The following PLEKHG1 variants were observed in gnomAD, a reference collection of about 807,000 sequenced individuals.
PLEKHG1 encodes the protein pleckstrin homology and RhoGEF domain containing G1.
PLEKHG1 carries 44 observed loss-of-function variants against 100.8 expected under a neutral mutation model. That is an observed-to-expected ratio of 0.44 (90% CI 0.34 to 0.56). PLEKHG1 has a LOEUF of 0.56. PLEKHG1 is among the 20% of genes least tolerant of loss of function. PLEKHG1 has a pLI of 0.01. For synonymous variants in PLEKHG1, 640 were observed against 662.5 expected (o/e 0.97, Z 0.52); for missense variants, 1,545 against 1,720.9 (o/e 0.90, Z 1.81).
chr6:150,687,800 T>C (rs1345033953), intron 3 of PLEKHG1, among the ~76,000 whole-genome samples: 1 of 152,248 alleles, frequency 6.6e-6, no homozygotes, highest in Non-Finnish European at 1.5e-5. Flanking sequence ...ACGAGTGTTC[T>C]TGCATTTCAA....
In PLEKHG1 at chr6:150,728,566, A is replaced by G. The variant is rs552022921; in HGVS notation, c.-98-5018A>G. 1.3e-3 allele frequency among the ~76,000 whole-genome samples: 192 copies of G among 151,752 alleles called. 2 individuals carry two copies. Among genetic ancestry groups the G allele is most frequent in the African/African-American group, 4.4e-3 (183 of 41,364 alleles). On this transcript the variant is annotated intron_variant, in intron 1 of 15. Coordinates refer to ENST00000358517, the Ensembl canonical transcript of PLEKHG1. Reference sequence around the variant, plus strand: ...ACTCCAGCCTGGGTGACAGAGTGAGACCCTGTTTCAAAAAATAAAAATAAG... The same window carrying G: ...ACTCCAGCCTGGGTGACAGAGTGAGGCCCTGTTTCAAAAAATAAAAATAAG...
chr6:150,613,802 C>T (rs951229948), intron 1 of PLEKHG1, among the ~76,000 whole-genome samples: 6 of 152,226 alleles, frequency 3.9e-5, no homozygotes, highest in African/African-American at 1.4e-4. Context: ...CCTCTAGTAT[C>T]CTCCAGCACC....
intron 2 of PLEKHG1, among the ~76,000 whole-genome samples, chr6:150,757,561 ATGTGTGTG>A (rs141610846): frequency 1.1e-4 from 17 of 150,254 alleles, no homozygotes; most frequent in South Asian, 4.2e-4. Context: ...GCACACAAGT[ATGTGTGTG>A]TGTGTGTGTG....
intron 2 of PLEKHG1, among the ~76,000 whole-genome samples, chr6:150,752,938 C>T (rs1182058247): frequency 1.3e-5 from 2 of 151,982 alleles, no homozygotes; most frequent in African/African-American, 2.4e-5. Flanking sequence ...ATGGCGAAAC[C>T]CTGTCTCTAC....
At chr6:150,612,357 GTCTC>G (rs77718182) in intron 1 of PLEKHG1, among the ~76,000 whole-genome samples, 1 of 152,030 alleles carries the variant, frequency 6.6e-6, no homozygotes, top group Admixed American at 6.5e-5. Context: ...TTGAGACAGA[GTCTC>G]TCTCTCTGTT....
Position 150,727,602 on chromosome 6 carries a change from C to T in PLEKHG1, c.-98-5982C>T, listed in dbSNP as rs543207370. Among the ~76,000 whole-genome samples the T allele has an allele frequency of 9.9e-5, 13 of 131,420 alleles. No individual in the cohort carries two copies. In the South Asian group the frequency reaches 2.5e-3, roughly 25 times the overall value. The allele number at this position is 131,420 out of a possible 152,430, so 86.2% of individuals were successfully genotyped here. A position where few individuals can be genotyped will look rare whatever the true frequency, so the allele number is the denominator to read the frequency against. On this transcript the variant is annotated intron_variant, in intron 1 of 15. Transcript: ENST00000358517. Reference sequence around the variant, plus strand: ...CATCTTTTCCTTTTATTAAGGATGGCACAAAAAAAAAAAGAATATTTTATT... The same window carrying T: ...CATCTTTTCCTTTTATTAAGGATGGTACAAAAAAAAAAAGAATATTTTATT...
intron 3 of PLEKHG1, among the ~76,000 whole-genome samples, chr6:150,689,130 A>C (rs1004913112): frequency 7.2e-5 from 11 of 152,198 alleles, no homozygotes; most frequent in Admixed American, 7.2e-4. Flanking sequence ...ATTTTGTATG[A>C]GTGGAATTAT....
At chr6:150,669,196 C>T (rs1779501698) in intron 3 of PLEKHG1, among the ~76,000 whole-genome samples, 2 of 152,108 alleles carry the variant, frequency 1.3e-5, no homozygotes, top group African/African-American at 4.8e-5. Flanking sequence ...AGATCTAGCC[C>T]TCAAATAGAG....
At chr6:150,710,983 G>A (rs1390785152) in intron 3 of PLEKHG1, among the ~76,000 whole-genome samples, 2 of 152,176 alleles carry the variant, frequency 1.3e-5, no homozygotes, top group Non-Finnish European at 2.9e-5. Flanking sequence ...TGATCCTTCA[G>A]TGTGTCTGCC....
chr6:150,739,202 T>C lies in PLEKHG1; in HGVS notation c.411+5110T>C, dbSNP rs116193463. On this transcript the variant is annotated intron_variant, in intron 2 of 15. Coordinates refer to ENST00000358517, the Ensembl canonical transcript of PLEKHG1. ...ACATTTCTACTACAGAATGGCATCG[T>C]TGAGCTCTGAGAGATACTAAATTAA... Among the ~76,000 whole-genome samples, 1,303 of 152,320 alleles carry C rather than the reference T, an allele frequency of 8.6e-3. 23 individuals are homozygous for C. The highest frequency in any genetic ancestry group is 0.03 in the African/African-American group (1,246 of 41,578).
chr6:150,777,782 G>A (rs1283912462), intron 3 of PLEKHG1, among the ~76,000 whole-genome samples: 5 of 152,138 alleles, frequency 3.3e-5, no homozygotes, highest in Admixed American at 2.0e-4. Context: ...CAATCCTGGT[G>A]CACATGTGCG....
intron 13 of PLEKHG1, among the ~76,000 whole-genome samples, chr6:150,822,363 C>T (rs370295406): frequency 5.9e-5 from 9 of 152,178 alleles, no homozygotes; most frequent in East Asian, 3.9e-4. Flanking sequence ...GTTTTTGCAA[C>T]GCTTCAGGGG....
chr6:150,794,892 C>A (rs1467635962), intron 4 of PLEKHG1, among the ~76,000 whole-genome samples: 1 of 151,876 alleles, frequency 6.6e-6, no homozygotes, highest in Admixed American at 6.6e-5. Context: ...AAAAGTTTAA[C>A]CTAATTCCAG....
At chr6:150,832,952 C>T (rs1026979078) in intron 15 of PLEKHG1, among the ~76,000 whole-genome samples, 2 of 151,878 alleles carry the variant, frequency 1.3e-5, no homozygotes, top group African/African-American at 4.8e-5. Flanking sequence ...GCTGGGATTA[C>T]AGGTGTGAGC....
intron 15 of PLEKHG1, among the ~76,000 whole-genome samples, chr6:150,838,504 C>A (rs1777349079): frequency 6.6e-6 from 1 of 152,194 alleles, no homozygotes; most frequent in Non-Finnish European, 1.5e-5. Flanking sequence ...TCTGGGGAAG[C>A]CAAAAGATTG....
chr6:150,806,666 A>G (rs1280830102), intron 7 of PLEKHG1, among the ~76,000 whole-genome samples: 3 of 151,016 alleles, frequency 2.0e-5, no homozygotes, highest in African/African-American at 7.3e-5. Context: ...CTGTCTCAAA[A>G]AAAAAAAAAA....
At chr6:150,697,108 A>AAAAAGAAGAAG (rs71270304) in intron 3 of PLEKHG1, among the ~76,000 whole-genome samples, 3 of 147,230 alleles carry the variant, frequency 2.0e-5, no homozygotes, top group Non-Finnish European at 4.5e-5. Context: ...AGAAAAAAAA[A>AAAAAGAAGAAG]AAGAAGAAGA....
At chr6:150,667,289 C>T (rs1317534888) in intron 3 of PLEKHG1, among the ~76,000 whole-genome samples, 2 of 152,162 alleles carry the variant, frequency 1.3e-5, no homozygotes, top group East Asian at 1.9e-4. Context: ...TATATTGCTG[C>T]GGACATAATT....
chr6:150,791,362 A>G (rs1356543165), intron 4 of PLEKHG1, among the ~76,000 whole-genome samples: 1 of 152,094 alleles, frequency 6.6e-6, no homozygotes, highest in East Asian at 1.9e-4. Flanking sequence ...AAAAGAATAG[A>G]GGTTCGGCTT....
Sources: gnomAD v4.1 joint callset for allele counts (sites outside exome capture counted in the v4.1 genomes callset) on GRCh38, gnomAD v4.1.1 for gene constraint, MANE v1.5 for transcripts, NCBI Gene and HGNC (gene_info 2026-07-23, HGNC 2026-07-21) for gene names.